Variants in CRACD observed in about 807,000 individuals in gnomAD.
CRACD encodes the protein capping protein inhibiting regulator of actin dynamics, also known as capping protein-inhibiting regulator of actin dynamics.
A neutral mutation model predicts 106.8 loss-of-function variants in CRACD; 56 were observed. The ratio of observed to expected loss-of-function variants is 0.52; its 90% CI spans 0.42 to 0.66. The LOEUF is 0.66. Among genes scored for constraint, CRACD ranks in the 30% least tolerant of loss-of-function variants. CRACD has a pLI of 0.00. For missense variants in CRACD, 1,730 were observed against 1,623.2 expected, an observed-to-expected ratio of 1.07 and a Z score of -1.13; for synonymous variants, 754 against 670.8, an observed-to-expected ratio of 1.12 and a Z score of -1.92.
chr4:56,091,381 A>G (rs866775878), intron 1 of CRACD, among the ~76,000 whole-genome samples: 6 of 149,702 alleles, frequency 4.0e-5, no homozygotes, highest in Admixed American at 6.7e-5. Flanking sequence ...TTTTTTTTTA[A>G]ACGCAGGCAT....
At chr4:56,194,003 T>C (rs1185920956) in intron 2 of CRACD, among the ~76,000 whole-genome samples, 1 of 152,168 alleles carries the variant, frequency 6.6e-6, no homozygotes, top group African/African-American at 2.4e-5. Context: ...AAGAGCACTA[T>C]AAAAGTCAGC....
chr4:56,310,794 C>CCG, intron 6 of CRACD, 60 bp downstream of exon 6: 1 of 959,968 alleles, frequency 1.0e-6, no homozygotes, highest in South Asian at 1.4e-5. Flanking sequence ...CATCTTCCCC[C>CCG]CCCCTTTTTT....
chr4:56,229,477 T>C (rs1702507537), intron 2 of CRACD, among the ~76,000 whole-genome samples: 1 of 152,184 alleles, frequency 6.6e-6, no homozygotes, highest in African/African-American at 2.4e-5. Flanking sequence ...TCTAGGACCA[T>C]AAGAAATAAA....
chr4:56,142,968 C>T (rs968753412), intron 1 of CRACD, among the ~76,000 whole-genome samples: 5 of 151,856 alleles, frequency 3.3e-5, no homozygotes, highest in African/African-American at 1.2e-4. Flanking sequence ...TTCGGTAAGA[C>T]AAGCTCCTTT....
chr4:56,172,676 T>A (rs1736422324), intron 1 of CRACD, among the ~76,000 whole-genome samples: 1 of 151,874 alleles, frequency 6.6e-6, no homozygotes, highest in African/African-American at 2.4e-5. Context: ...CAGGCTGGAG[T>A]GCAGTGGCGT....
chr4:56,164,473 C>T (rs1379422312), intron 1 of CRACD, among the ~76,000 whole-genome samples: 1 of 152,092 alleles, frequency 6.6e-6, no homozygotes, highest in African/African-American at 2.4e-5. Flanking sequence ...ACTATATATT[C>T]AGAAATAAAA....
intron 1 of CRACD, among the ~76,000 whole-genome samples, chr4:56,169,388 C>T (rs1736271064): frequency 6.6e-6 from 1 of 152,158 alleles, no homozygotes. Flanking sequence ...ATAGTACTCT[C>T]AAAAGGAAAG....
chr4:56,286,992 C>T (rs1174303316), intron 3 of CRACD, among the ~76,000 whole-genome samples: 1 of 152,202 alleles, frequency 6.6e-6, no homozygotes, highest in Non-Finnish European at 1.5e-5. Flanking sequence ...AATGACTCAT[C>T]CAGGCCTCCG....
intron 2 of CRACD, among the ~76,000 whole-genome samples, chr4:56,226,083 G>A (rs764427031): frequency 3.3e-4 from 50 of 152,094 alleles, no homozygotes; most frequent in South Asian, 4.2e-4. Flanking sequence ...AAGTGAAGTC[G>A]TAAGAAGTGG....
chr4:56,165,967 C>T (rs1000148658), intron 1 of CRACD, among the ~76,000 whole-genome samples: 3 of 152,068 alleles, frequency 2.0e-5, no homozygotes, highest in Admixed American at 6.5e-5. Context: ...CTTAAGCAGT[C>T]GTCATTTCTC....
intron 1 of CRACD, among the ~76,000 whole-genome samples, chr4:56,112,526 GT>G (rs35371345): frequency 0.48 from 73,341 of 151,828 alleles, 19,288 homozygotes; most frequent in African/African-American, 0.7. Flanking sequence ...GCTCTGGCTA[GT>G]TGGGGGGACC....
At chr4:56,239,417 C>A (rs1249297821) in intron 2 of CRACD, among the ~76,000 whole-genome samples, 1 of 151,954 alleles carries the variant, frequency 6.6e-6, no homozygotes, top group African/African-American at 2.4e-5. Flanking sequence ...AAGAGATTAG[C>A]ATGGCCTTGT....
At chr4:56,204,182 G>A (rs1363307599) in intron 2 of CRACD, among the ~76,000 whole-genome samples, 3 of 152,176 alleles carry the variant, frequency 2.0e-5, no homozygotes, top group Admixed American at 1.3e-4. Flanking sequence ...CTTGAGCAAG[G>A]AACAACCTGG....
At chr4:56,326,269 G>A (rs200084836) in intron 10 of CRACD, among the ~76,000 whole-genome samples, 7 of 34,580 alleles carry the variant, frequency 2.0e-4, no homozygotes, top group African/African-American at 6.3e-4. Flanking sequence ...AAGAACCGCA[G>A]GCAGGCATTA....
In CRACD at chr4:56,201,910, T is replaced by C. The variant is rs191209276; in HGVS notation, c.-189+22480T>C. ...GTAAGAGCATATATTAAAACACATG[T>C]ACAAGTTGTTTATTGAAGCCATATT... On this transcript the variant is annotated intron_variant, in intron 2 of 10. Coordinates refer to ENST00000682029, the MANE Select transcript of CRACD (RefSeq NM_001393381.1). 1.4e-4 allele frequency among the ~76,000 whole-genome samples: 22 copies of C among 152,322 alleles called. No homozygotes were observed. The South Asian group carries it at 1.9e-3, about 13-fold the overall frequency.
At chr4:56,136,665 G>T (rs1433373391) in intron 1 of CRACD, among the ~76,000 whole-genome samples, 2 of 152,070 alleles carry the variant, frequency 1.3e-5, no homozygotes, top group Admixed American at 6.6e-5. Flanking sequence ...TTATTGGAAA[G>T]ATATTTTACA....
chr4:56,326,644 A>G (rs1012721355), intron 10 of CRACD, among the ~76,000 whole-genome samples: 2 of 152,188 alleles, frequency 1.3e-5, no homozygotes, highest in African/African-American at 4.8e-5. Flanking sequence ...ATACGGTGCA[A>G]AGAACTGTGA....
At chr4:56,276,079 T>C (rs560254974) in intron 3 of CRACD, among the ~76,000 whole-genome samples, 11 of 152,356 alleles carry the variant, frequency 7.2e-5, no homozygotes, top group African/African-American at 2.4e-4. Flanking sequence ...AGCATTCTTT[T>C]CTTTCTCTAG....
intron 2 of CRACD, among the ~76,000 whole-genome samples, chr4:56,207,207 G>A (rs533153357): frequency 4.7e-4 from 72 of 152,342 alleles, no homozygotes; most frequent in African/African-American, 1.7e-3. Flanking sequence ...ATAAGTATCA[G>A]CAACTGTACA....
Sources: gnomAD v4.1 joint callset for allele counts (sites outside exome capture counted in the v4.1 genomes callset) on GRCh38, gnomAD v4.1.1 for gene constraint, MANE v1.5 for transcripts, NCBI Gene and HGNC (gene_info 2026-07-23, HGNC 2026-07-21) for gene names.